Variants in NFIA observed in about 807,000 individuals in gnomAD.
The protein encoded by NFIA is nuclear factor 1 A-type.
Under a neutral mutation model 62.8 loss-of-function variants are expected in NFIA, and 8 were observed. The ratio of observed to expected loss-of-function variants is 0.13; its 90% CI spans 0.07 to 0.23. The LOEUF (loss-of-function observed/expected upper bound fraction) is 0.23, where lower values mean the gene tolerates loss of function less well. Among genes scored for constraint, NFIA ranks in the 10% least tolerant of loss-of-function variants. NFIA has a pLI of 1.00. For synonymous variants in NFIA, 235 were observed against 238.1 expected (o/e 0.99, Z 0.12); for missense variants, 410 against 642.1 (o/e 0.64, Z 3.91).
intron 2 of NFIA, among the ~76,000 whole-genome samples, chr1:61,093,978 C>T (rs1181239997): frequency 2.6e-5 from 4 of 152,216 alleles, no homozygotes; most frequent in South Asian, 2.1e-4. Context: ...CCAGAGGACA[C>T]GGGACAGCCT....
chr1:61,077,401 GGA>G (rs1257041090), upstream of NFIA: 1 of 407,198 alleles, frequency 2.5e-6, no homozygotes, highest in African/African-American at 2.0e-5. Context: ...AGTGAGAGAG[GGA>G]GAGAGCGCGC....
chr1:61,131,521 A>G (rs960769737), intron 2 of NFIA, among the ~76,000 whole-genome samples: 2 of 152,076 alleles, frequency 1.3e-5, no homozygotes, highest in Non-Finnish European at 2.9e-5. Context: ...AGCTACAGAC[A>G]TATTTTAGCA....
At chr1:61,284,781 C>T (rs1570511695) in intron 3 of NFIA, among the ~76,000 whole-genome samples, 2 of 152,156 alleles carry the variant, frequency 1.3e-5, no homozygotes, top group East Asian at 3.9e-4. Context: ...GACATCTTCC[C>T]CTCCCCACTC....
intron 2 of NFIA, among the ~76,000 whole-genome samples, chr1:61,213,871 C>T (rs1198214245): frequency 2.0e-5 from 3 of 152,206 alleles, no homozygotes; most frequent in Non-Finnish European, 4.4e-5. Context: ...CCTCACCCAC[C>T]AGTCAGACAG....
intron 2 of NFIA, among the ~76,000 whole-genome samples, chr1:61,227,178 T>C (rs1654386531): frequency 6.6e-6 from 1 of 152,212 alleles, no homozygotes; most frequent in Non-Finnish European, 1.5e-5. Context: ...TTCCCAAGCC[T>C]GTAGCGACAG....
intron 4 of NFIA, among the ~76,000 whole-genome samples, chr1:61,333,173 TAAG>T (rs1254664181): frequency 6.6e-6 from 1 of 152,088 alleles, no homozygotes; most frequent in African/African-American, 2.4e-5. Context: ...CAGGTCCCAG[TAAG>T]AAGAAGGAAA....
At chr1:61,217,908 G>A (rs1653748464) in intron 2 of NFIA, among the ~76,000 whole-genome samples, 1 of 152,170 alleles carries the variant, frequency 6.6e-6, no homozygotes, top group South Asian at 2.1e-4. Flanking sequence ...TAAAAGGGCA[G>A]TTGTCATACC....
At position 61,426,454 on chromosome 1, in the gene NFIA, T is replaced by C; in HGVS notation, c.1421-11T>C. Reference sequence around the variant, plus strand: ...CCGCTTCCTGAACGCATGTGTCCCTTCCCTTCACAGCCTACTCGACACCCA... The same window carrying C: ...CCGCTTCCTGAACGCATGTGTCCCTCCCCTTCACAGCCTACTCGACACCCA... On this transcript the variant is annotated splice_polypyrimidine_tract_variant and intron_variant, in intron 9 of 10. Transcript: ENST00000403491. 1 of 1,547,768 alleles carries C rather than the reference T, an allele frequency of 6.5e-7. No individual in the cohort carries two copies. Among genetic ancestry groups the C allele is most frequent in the Non-Finnish European group, 8.7e-7 (1 of 1,143,450 alleles).
intron 2 of NFIA, among the ~76,000 whole-genome samples, chr1:61,119,775 A>G (rs768860374): frequency 2.0e-5 from 3 of 152,158 alleles, no homozygotes; most frequent in Non-Finnish European, 2.9e-5. Context: ...TTATTATGAG[A>G]GTATGTAGAT....
chr1:61,381,519 A>C (rs1404483658), intron 6 of NFIA, among the ~76,000 whole-genome samples: 2 of 152,182 alleles, frequency 1.3e-5, no homozygotes, highest in African/African-American at 2.4e-5. Flanking sequence ...TTGATCTAGA[A>C]AGGATCTGAT....
chr1:61,170,623 T>C (rs1383954169), intron 2 of NFIA, among the ~76,000 whole-genome samples: 2 of 152,192 alleles, frequency 1.3e-5, no homozygotes, highest in Non-Finnish European at 2.9e-5. Context: ...CCCAGACCTT[T>C]TTTTGCCATC....
intron 3 of NFIA, among the ~76,000 whole-genome samples, chr1:61,318,498 C>G (rs1256446571): frequency 6.6e-6 from 1 of 152,192 alleles, no homozygotes; most frequent in Non-Finnish European, 1.5e-5. Flanking sequence ...AATGGTCCCT[C>G]CTGCTCTGAG....
At chr1:61,305,549 C>T (rs1659722815) in intron 3 of NFIA, among the ~76,000 whole-genome samples, 1 of 152,182 alleles carries the variant, frequency 6.6e-6, no homozygotes, top group African/African-American at 2.4e-5. Flanking sequence ...CTGATACCCC[C>T]ATGCAGTCCT....
intron 2 of NFIA, among the ~76,000 whole-genome samples, chr1:61,092,794 C>T (rs1431605796): frequency 2.0e-5 from 3 of 152,122 alleles, no homozygotes; most frequent in Admixed American, 2.0e-4. Context: ...GCAGATAGAC[C>T]AGATGGTCAT....
chr1:61,398,802 A>G (rs372578146), intron 7 of NFIA, among the ~76,000 whole-genome samples: 17 of 152,154 alleles, frequency 1.1e-4, no homozygotes, highest in African/African-American at 3.9e-4. Context: ...GGCAGGCCTG[A>G]TTCATGCATG....
intron 2 of NFIA, among the ~76,000 whole-genome samples, chr1:61,159,409 T>A (rs1362856512): frequency 6.6e-6 from 1 of 152,150 alleles, no homozygotes; most frequent in East Asian, 1.9e-4. Flanking sequence ...ACTGGGGATC[T>A]TGTTAAACTG....
intron 2 of NFIA, among the ~76,000 whole-genome samples, chr1:61,122,701 A>G (rs1646906651): frequency 6.6e-6 from 1 of 152,180 alleles, no homozygotes. Flanking sequence ...CAATGTGTGG[A>G]CTGTGTCTAG....
rs751072491 is a variant in NFIA, at chr1:61,112,014, T to TA, written c.559+23336dup. Among the ~76,000 whole-genome samples the TA allele has an allele frequency of 9.5e-4, 144 of 152,248 alleles. 2 individuals are homozygous for TA. The highest frequency in any genetic ancestry group is 6.3e-4 in the Non-Finnish European group (43 of 67,984). ...ACCAATGGAGAGGTTTACACAAGCATAATTTAAGTTACAATTACACTAATT... is the reference window on the plus strand; with the variant it reads ...ACCAATGGAGAGGTTTACACAAGCATAAATTTAAGTTACAATTACACTAATT... On this transcript the variant is annotated intron_variant, in intron 2 of 10. Transcript: ENST00000403491.
chr1:61,142,527 A>T (rs1457221612), intron 2 of NFIA, among the ~76,000 whole-genome samples: 2 of 152,180 alleles, frequency 1.3e-5, no homozygotes, highest in East Asian at 3.8e-4. Flanking sequence ...ATAGTAAACT[A>T]TGGTTTTGGG....
Sources: gnomAD v4.1 joint callset for allele counts (sites outside exome capture counted in the v4.1 genomes callset) on GRCh38, gnomAD v4.1.1 for gene constraint, MANE v1.5 for transcripts, NCBI Gene and HGNC (gene_info 2026-07-23, HGNC 2026-07-21) for gene names.